Variants in ZNF678 observed in about 807,000 individuals in gnomAD.
ZNF678 encodes the protein hypothetical protein MGC42493.
Under a neutral mutation model 3.0 loss-of-function variants are expected in ZNF678, and 5 were observed. The observed-to-expected ratio is 1.69, with a 90% CI of 0.88 to 3.56. The LOEUF (loss-of-function observed/expected upper bound fraction) is 3.56. Among genes scored for constraint, ZNF678 ranks in the 30% most tolerant of loss-of-function variants. The pLI, the probability that ZNF678 is intolerant of heterozygous loss-of-function variation, is 0.00. For synonymous variants in ZNF678, 218 were observed against 199.6 expected, an observed-to-expected ratio of 1.09 and a Z score of -0.78; for missense variants, 593 against 605.0, an observed-to-expected ratio of 0.98 and a Z score of 0.21.
chr1:227,645,606 G>A (rs1263212095), intron 1 of ZNF678, among the ~76,000 whole-genome samples: 1 of 152,166 alleles, frequency 6.6e-6, no homozygotes, highest in Non-Finnish European at 1.5e-5. Context: ...TTGAACATAG[G>A]CAGGTGTGGA....
chr1:227,600,009 C>G (rs934491749), intron 1 of ZNF678, among the ~76,000 whole-genome samples: 1 of 152,120 alleles, frequency 6.6e-6, no homozygotes, highest in Non-Finnish European at 1.5e-5. Flanking sequence ...CTGTTGTTCC[C>G]TTCTATGTGT....
chr1:227,638,725 G>A lies in ZNF678; in HGVS notation c.-163-7819G>A, dbSNP rs1658742420. ...TGTGGAGTTTTGAAAGGATGTCTCT[G>A]CTTAGGAGCAGAGTTGGGCATGAGG... On this transcript the variant is annotated intron_variant, in intron 1 of 3. Transcript: ENST00000343776. The surrounding 1 kb of genome is among the most constrained non-coding windows in gnomAD (Gnocchi z 4.2). Among the ~76,000 whole-genome samples the A allele has an allele frequency of 1.3e-5, 2 of 152,074 alleles. No individual in the cohort carries two copies. Among genetic ancestry groups the A allele is most frequent in the African/African-American group, 4.8e-5 (2 of 41,386 alleles).
chr1:227,669,107 A>T (rs1659556299), intron 5 of ZNF678, among the ~76,000 whole-genome samples: 1 of 152,080 alleles, frequency 6.6e-6, no homozygotes, highest in East Asian at 1.9e-4. Flanking sequence ...AAAAAAAAAA[A>T]ACCACTAACA....
intron 1 of ZNF678, among the ~76,000 whole-genome samples, chr1:227,632,798 A>G (rs1571901305): frequency 6.6e-6 from 1 of 152,172 alleles, no homozygotes; most frequent in Non-Finnish European, 1.5e-5. Flanking sequence ...TGGGCTACCA[A>G]ATATTACCGG....
At chr1:227,664,426 C>G (rs140649961), downstream of ZNF678, among the ~76,000 whole-genome samples, 1 of 152,102 alleles carries the variant, frequency 6.6e-6, no homozygotes, top group South Asian at 2.1e-4. Flanking sequence ...CCCCAACACA[C>G]GGTGTCAGAA....
intron 1 of ZNF678, among the ~76,000 whole-genome samples, chr1:227,590,581 C>G (rs1330108252): frequency 6.6e-6 from 1 of 151,766 alleles, no homozygotes; most frequent in Non-Finnish European, 1.5e-5. Flanking sequence ...TTTTAATTAT[C>G]TATGGCTATG....
chr1:227,678,161 T>A (rs1323627078), downstream of ZNF678, among the ~76,000 whole-genome samples: 1 of 152,154 alleles, frequency 6.6e-6, no homozygotes, highest in East Asian at 1.9e-4. Flanking sequence ...ACCTTAGAAA[T>A]TGAGACAGGG....
intron 5 of ZNF678, among the ~76,000 whole-genome samples, chr1:227,670,796 A>G (rs1659587662): frequency 6.6e-6 from 1 of 152,082 alleles, no homozygotes; most frequent in Non-Finnish European, 1.5e-5. Context: ...AGGATTTTTA[A>G]GCCCCCATTC....
At chr1:227,615,172 T>A (rs1488217486) in intron 1 of ZNF678, among the ~76,000 whole-genome samples, 1 of 152,206 alleles carries the variant, frequency 6.6e-6, no homozygotes, top group Non-Finnish European at 1.5e-5. Context: ...TCTCAACTAC[T>A]GTTATTGGAT....
chr1:227,574,731 G>T lies in ZNF678; in HGVS notation c.-164+11007G>T, dbSNP rs114999091. Among the ~76,000 whole-genome samples the T allele has an allele frequency of 4.6e-3, 707 of 152,108 alleles. 6 individuals carry two copies. Among genetic ancestry groups the T allele is most frequent in the African/African-American group, 0.016 (678 of 41,472 alleles). On this transcript the variant is annotated intron_variant, in intron 1 of 3. Transcript: ENST00000343776. ...TTGGCGCCTTTGTCATGAATTCTTG[G>T]CCCATTTTTATGTCCTGAATGATAC...
intron 1 of ZNF678, among the ~76,000 whole-genome samples, chr1:227,586,505 A>T (rs1300218521): frequency 6.6e-6 from 1 of 152,248 alleles, no homozygotes. Context: ...ACTGAAATAA[A>T]AAATTTACTA....
chr1:227,595,256 C>T (rs1458459749), intron 1 of ZNF678, among the ~76,000 whole-genome samples: 3 of 149,050 alleles, frequency 2.0e-5, no homozygotes, highest in Non-Finnish European at 4.4e-5. Context: ...CTGTCTCTTC[C>T]TCTCTCTTCT....
chr1:227,567,243 AT>A (rs1269009479), intron 1 of ZNF678, among the ~76,000 whole-genome samples: 1 of 152,238 alleles, frequency 6.6e-6, no homozygotes, highest in South Asian at 2.1e-4. Context: ...TCCTTTTGAA[AT>A]ATAAAATGTA....
At chr1:227,626,403 A>T (rs1481105639) in intron 1 of ZNF678, among the ~76,000 whole-genome samples, 2 of 152,162 alleles carry the variant, frequency 1.3e-5, no homozygotes, top group African/African-American at 4.8e-5. Context: ...CCCAGGATGT[A>T]TCCAGGGATG....
chr1:227,634,872 G>A (rs1278729247), intron 1 of ZNF678, among the ~76,000 whole-genome samples: 1 of 152,144 alleles, frequency 6.6e-6, no homozygotes, highest in Non-Finnish European at 1.5e-5. Flanking sequence ...AGAAAACATA[G>A]GTGGTAGTAG....
At chr1:227,632,156 G>A (rs763458749) in intron 1 of ZNF678, among the ~76,000 whole-genome samples, 4 of 152,184 alleles carry the variant, frequency 2.6e-5, no homozygotes, top group Non-Finnish European at 5.9e-5. Flanking sequence ...CCTATGTCAA[G>A]AGCTGTGTAC....
chr1:227,624,004 TC>T (rs1224417572), intron 1 of ZNF678, among the ~76,000 whole-genome samples: 1 of 152,214 alleles, frequency 6.6e-6, no homozygotes, highest in East Asian at 1.9e-4. Flanking sequence ...TATCAGACAC[TC>T]CCACTTACTT....
intron 1 of ZNF678, among the ~76,000 whole-genome samples, chr1:227,631,003 C>CT (rs1410324745): frequency 3.5e-4 from 6 of 17,276 alleles, no homozygotes; most frequent in Non-Finnish European, 5.0e-4. Flanking sequence ...CCAGGTTTCT[C>CT]CCCTTGAAGA....
chr1:227,675,022 A>G (rs1659657713), intron 5 of ZNF678, among the ~76,000 whole-genome samples: 1 of 152,228 alleles, frequency 6.6e-6, no homozygotes, highest in South Asian at 2.1e-4. Context: ...TAAGAAGTAT[A>G]TGTTGAACTT....
Sources: allele counts gnomAD v4.1 joint callset (sites outside exome capture counted in the v4.1 genomes callset), GRCh38; gene constraint gnomAD v4.1.1; non-coding constraint Gnocchi (gnomAD v3.1); transcripts MANE v1.5; gene names NCBI Gene and HGNC (gene_info 2026-07-23, HGNC 2026-07-21).